The following GPHN variants were observed in gnomAD, a reference collection of about 807,000 sequenced individuals.
GPHN encodes the protein gephyrin.
A neutral mutation model predicts 95.5 loss-of-function variants in GPHN; 17 were observed. The ratio of observed to expected loss-of-function variants is 0.18; its 90% CI spans 0.12 to 0.27. The LOEUF is 0.27. Ranked by LOEUF, GPHN falls within the 10% of genes least tolerant of loss-of-function variation. The pLI is 1.00. For synonymous variants in GPHN, 320 were observed against 322.5 expected (o/e 0.99, Z 0.08); for missense variants, 660 against 978.1 (o/e 0.67, Z 4.34).
At chr14:67,543,208 A>C in the GPHN span, among the ~76,000 whole-genome samples, 1 of 152,240 alleles carries the variant, frequency 6.6e-6, no homozygotes, top group Non-Finnish European at 1.5e-5. Flanking sequence ...AAGAATGTCA[A>C]AGTCTCAATT....
chr14:67,148,887 T>C (rs2081069655), intron 18 of GPHN, among the ~76,000 whole-genome samples: 1 of 151,880 alleles, frequency 6.6e-6, no homozygotes, highest in Non-Finnish European at 1.5e-5. Flanking sequence ...TTTATTCCAC[T>C]TCTCTCATTC....
intron 1 of GPHN, among the ~76,000 whole-genome samples, chr14:66,626,383 A>G (rs2063529267): frequency 6.6e-6 from 1 of 152,142 alleles, no homozygotes; most frequent in South Asian, 2.1e-4. Flanking sequence ...AGGCATTCAC[A>G]TTCATTTAAG....
At chr14:66,764,191 C>A (rs1389941088) in intron 2 of GPHN, among the ~76,000 whole-genome samples, 1 of 152,144 alleles carries the variant, frequency 6.6e-6, no homozygotes, top group Non-Finnish European at 1.5e-5. Context: ...TTCCATGAAA[C>A]CAGTTCCTGG....
At chr14:66,986,448 G>C (rs189331798) in intron 9 of GPHN, among the ~76,000 whole-genome samples, 1 of 151,992 alleles carries the variant, frequency 6.6e-6, no homozygotes, top group South Asian at 2.1e-4. Flanking sequence ...TGATCATCTT[G>C]TTTGCTAGTT....
intron 2 of GPHN, among the ~76,000 whole-genome samples, chr14:66,750,548 C>T (rs1331761366): frequency 6.6e-6 from 1 of 151,856 alleles, no homozygotes; most frequent in African/African-American, 2.4e-5. Flanking sequence ...GGAGGATGAC[C>T]TTGGTGCCCC....
At chr14:66,736,198 A>T (rs2072249967) in intron 2 of GPHN, among the ~76,000 whole-genome samples, 1 of 151,840 alleles carries the variant, frequency 6.6e-6, no homozygotes, top group Admixed American at 6.6e-5. Flanking sequence ...CAAGTTTTTC[A>T]TGTCATTTGC....
At chr14:67,200,745 T>A in the GPHN span, among the ~76,000 whole-genome samples, 1 of 152,236 alleles carries the variant, frequency 6.6e-6, no homozygotes, top group Non-Finnish European at 1.5e-5. Flanking sequence ...TTATACATAC[T>A]TCTTTCCTAC....
downstream of GPHN, among the ~76,000 whole-genome samples, chr14:67,185,073 G>A (rs112379516): frequency 0.015 from 2,246 of 152,312 alleles, 23 homozygotes; most frequent in Middle Eastern, 0.088. Flanking sequence ...TTAGTAGTGG[G>A]TTAAGAGCAA....
the GPHN span, among the ~76,000 whole-genome samples, chr14:67,395,225 C>T: frequency 5.9e-5 from 9 of 152,236 alleles, no homozygotes; most frequent in African/African-American, 2.2e-4. Context: ...GGTAGGGCCA[C>T]TCCCAAGCAG....
the GPHN span, among the ~76,000 whole-genome samples, chr14:67,684,313 T>C: frequency 1.3e-5 from 2 of 152,178 alleles, no homozygotes; most frequent in African/African-American, 4.8e-5. Context: ...CATGTTAAAA[T>C]TTTGATCTTA....
chr14:67,536,790 C>T, the GPHN span, among the ~76,000 whole-genome samples: 9 of 151,888 alleles, frequency 5.9e-5, no homozygotes, highest in Non-Finnish European at 1.3e-4. Flanking sequence ...CGCCTGTAAT[C>T]CCAGCACTTT....
At chr14:67,586,841 T>C in the GPHN span, 1 of 1,491,460 alleles carries the variant, frequency 6.7e-7, no homozygotes, top group Non-Finnish European at 8.9e-7. Context: ...GGGCCTCCTT[T>C]TCTCAGAAGG....
chr14:67,628,983 A>G, the GPHN span, among the ~76,000 whole-genome samples: 1 of 152,224 alleles, frequency 6.6e-6, no homozygotes, highest in African/African-American at 2.4e-5. Context: ...GTGTCCATTG[A>G]TGGATGAATG....
chr14:67,404,028 G>A, the GPHN span, among the ~76,000 whole-genome samples: 1 of 152,042 alleles, frequency 6.6e-6, no homozygotes, highest in African/African-American at 2.4e-5. Flanking sequence ...ACTCTAGCCT[G>A]GGCAACACAG....
Position 66,712,959 on chromosome 14 carries a change from T to G in GPHN, c.143+31774T>G, listed in dbSNP as rs534619454. On this transcript the variant is annotated intron_variant, in intron 2 of 22. Coordinates refer to ENST00000478722, the MANE Select transcript of GPHN (RefSeq NM_020806.5). The stretch of plus-strand genomic sequence containing the variant: ...GGTATATCTTCTTTTGAGAATTGTC[T>G]ATTTATGCCCTTAGCCCACTTTTAG... Among the ~76,000 whole-genome samples the G allele has an allele frequency of 1.2e-3, 176 of 152,336 alleles. 1 individual carries two copies. The highest frequency in any genetic ancestry group is 2.1e-3 in the South Asian group (10 of 4,822).
chr14:66,553,539 A>G lies in GPHN; in HGVS notation c.64+44948A>G, dbSNP rs182345573. Among the ~76,000 whole-genome samples the G allele has an allele frequency of 2.4e-3, 367 of 152,028 alleles. 4 individuals are homozygous for G. Among genetic ancestry groups the G allele is most frequent in the African/African-American group, 8.3e-3 (346 of 41,484 alleles). ...CTTCACTTTTCCTGCCAACGTCAATATACTGTTAATCCTCTCCAATAATAT... is the reference window on the plus strand; with the variant it reads ...CTTCACTTTTCCTGCCAACGTCAATGTACTGTTAATCCTCTCCAATAATAT... On this transcript the variant is annotated intron_variant, in intron 1 of 22. Coordinates refer to ENST00000478722, the MANE Select transcript of GPHN (RefSeq NM_020806.5).
chr14:66,632,603 C>T (rs150600857), intron 1 of GPHN, among the ~76,000 whole-genome samples: 1,835 of 148,770 alleles, frequency 0.012, 21 homozygotes, highest in Middle Eastern at 0.018. Context: ...AGTGATTCTT[C>T]TGCCTCAGCC....
rs189563054 is a variant in GPHN at position 66,765,828 on chromosome 14, C to T, written c.144-10636C>T. Among the ~76,000 whole-genome samples the T allele has an allele frequency of 1.5e-3, 229 of 152,170 alleles. 1 individual carries two copies. Among genetic ancestry groups the T allele is most frequent in the African/African-American group, 5.5e-3 (227 of 41,542 alleles). On this transcript the variant is annotated intron_variant, in intron 2 of 22. Coordinates refer to ENST00000478722, the MANE Select transcript of GPHN (RefSeq NM_020806.5). ...GTATAATTTATTATCTACATATAGT[C>T]ATCTATTTAGAATGAAATATATATC...
At chr14:66,768,098 TTATGAGGAAGATTAAAGTTAACTGGGAA>T (rs2059029780) in intron 2 of GPHN, among the ~76,000 whole-genome samples, 1 of 151,710 alleles carries the variant, frequency 6.6e-6, no homozygotes, top group Non-Finnish European at 1.5e-5. Flanking sequence ...AAAATCAAAT[TTATGAGGAAGATTAAAGTTAACTGGGAA>T]TTTTTAAGTT....
Sources: allele counts gnomAD v4.1 joint callset (sites outside exome capture counted in the v4.1 genomes callset), GRCh38; gene constraint gnomAD v4.1.1; transcripts MANE v1.5; gene names NCBI Gene and HGNC (gene_info 2026-07-23, HGNC 2026-07-21).